SLC5A8: variants seen among roughly 807,000 people sequenced by gnomAD.
SLC5A8 encodes the protein sodium-coupled monocarboxylate transporter 1.
SLC5A8 carries 55 observed loss-of-function variants against 71.9 expected under a neutral mutation model. The ratio of observed to expected loss-of-function variants is 0.77; its 90% CI spans 0.62 to 0.96. The LOEUF (loss-of-function observed/expected upper bound fraction) is 0.96, where lower values mean the gene tolerates loss of function less well. Among genes scored for constraint, SLC5A8 ranks in the 40% least tolerant of loss-of-function variants. SLC5A8 has a pLI of 0.00. For synonymous variants in SLC5A8, 307 were observed against 276.1 expected, an observed-to-expected ratio of 1.11 and a Z score of -1.11; for missense variants, 701 against 745.3, an observed-to-expected ratio of 0.94 and a Z score of 0.69.
intron 5 of SLC5A8, among the ~76,000 whole-genome samples, chr12:101,191,907 G>A (rs1477996543): frequency 6.6e-6 from 1 of 152,106 alleles, no homozygotes; most frequent in Non-Finnish European, 1.5e-5. Context: ...ATGTGTATAA[G>A]CTATCACTTC....
chr12:101,192,377 A>C (rs1051359183), intron 5 of SLC5A8, among the ~76,000 whole-genome samples: 1 of 149,158 alleles, frequency 6.7e-6, no homozygotes. Flanking sequence ...TTATTTTCAG[A>C]AGACCAGAAA....
chr12:101,169,290 G>A (rs1323511497), intron 10 of SLC5A8, among the ~76,000 whole-genome samples: 1 of 152,212 alleles, frequency 6.6e-6, no homozygotes, highest in African/African-American at 2.4e-5. Context: ...GGATGAACTG[G>A]CTTGGAGTTA....
chr12:101,161,921 A>T, intron 13 of SLC5A8, 53 bp downstream of exon 13: 11 of 1,217,534 alleles, frequency 9.0e-6, no homozygotes, highest in Non-Finnish European at 1.3e-5. Flanking sequence ...AAACAGATAC[A>T]GTAAAAACTG....
chr12:101,187,337 G>A (rs760968354), intron 7 of SLC5A8, 49 bp downstream of exon 7: 1 of 1,560,260 alleles, frequency 6.4e-7, no homozygotes, highest in South Asian at 1.2e-5. Flanking sequence ...CAACTAATAA[G>A]CTTTTTGAAT....
rs573037779 is a variant in SLC5A8, at chr12:101,172,625, G to A, written c.1234-4443C>T. Among the ~76,000 whole-genome samples, 4 of 152,276 alleles carry A rather than the reference G, an allele frequency of 2.6e-5. No homozygotes were observed. In the South Asian group the frequency reaches 6.2e-4, roughly 24 times the overall value. ...AGGTCCTGTGTGGTGGGTAGGGAGC[G>A]AGGTGCTGTTGTGAACACTGTTGGA... On this transcript the variant is annotated intron_variant, in intron 10 of 14. Coordinates refer to ENST00000536262, the MANE Select transcript of SLC5A8 (RefSeq NM_145913.5).
At chr12:101,207,115 G>A (rs1869708779) in intron 1 of SLC5A8, among the ~76,000 whole-genome samples, 1 of 152,210 alleles carries the variant, frequency 6.6e-6, no homozygotes, top group Non-Finnish European at 1.5e-5. Context: ...GAGGGTCTTA[G>A]CATGTTGCCT....
chr12:101,160,048 G>C (rs1159190003), intron 13 of SLC5A8, among the ~76,000 whole-genome samples: 1 of 152,250 alleles, frequency 6.6e-6, no homozygotes, highest in East Asian at 1.9e-4. Flanking sequence ...CGGGCGTGGT[G>C]GTGCGTGCCT....
chr12:101,160,434 C>G (rs541147763), intron 13 of SLC5A8, among the ~76,000 whole-genome samples: 56 of 152,286 alleles, frequency 3.7e-4, no homozygotes, highest in African/African-American at 1.3e-3. Context: ...TAGCAGGATT[C>G]TGTAAAGTGG....
intron 1 of SLC5A8, among the ~76,000 whole-genome samples, chr12:101,208,537 C>T (rs544224177): frequency 7.5e-4 from 114 of 152,208 alleles, no homozygotes; most frequent in Non-Finnish European, 1.3e-3. Context: ...ATCCCGCCCC[C>T]ACCTCCCATT....
intron 14 of SLC5A8, 139 bp downstream of exon 14, chr12:101,158,110 T>C (rs545828584): frequency 1.1e-4 from 76 of 667,998 alleles, no homozygotes; most frequent in South Asian, 1.0e-3. Context: ...CTATCCAACA[T>C]ATATAGATCA....
In SLC5A8 at chr12:101,209,898, C is replaced by T; in HGVS notation, c.-50G>A. ...CGCGCAAACTGGTGGCCCCGCGGCG[C>T]GCAGCCGGAGCCCGGCGCGCACTTC... On this transcript the variant is annotated 5_prime_UTR_variant, in exon 1 of 15. Coordinates refer to ENST00000536262, the MANE Select transcript of SLC5A8 (RefSeq NM_145913.5). The T allele has an allele frequency of 6.9e-7, 1 of 1,449,430 alleles. No individual in the cohort carries two copies. The highest frequency in any genetic ancestry group is 9.1e-7 in the Non-Finnish European group (1 of 1,095,172). 89.8% of individuals were successfully genotyped at this position (1,449,430 alleles called of 1,614,324 possible). A position where few individuals can be genotyped will look rare whatever the true frequency, so the allele number is the denominator to read the frequency against.
At chr12:101,206,052 A>T (rs543988547) in intron 1 of SLC5A8, among the ~76,000 whole-genome samples, 6 of 152,202 alleles carry the variant, frequency 3.9e-5, no homozygotes, top group Admixed American at 6.5e-5. Flanking sequence ...TTCTCTTTAA[A>T]ATGAGGGGCA....
intron 3 of SLC5A8, among the ~76,000 whole-genome samples, chr12:101,197,199 C>G (rs1869219537): frequency 6.6e-6 from 1 of 152,170 alleles, no homozygotes; most frequent in Non-Finnish European, 1.5e-5. Flanking sequence ...CTTTCCTATA[C>G]AAACTATTTT....
At chr12:101,171,461 C>T (rs143367838) in intron 10 of SLC5A8, among the ~76,000 whole-genome samples, 11 of 152,276 alleles carry the variant, frequency 7.2e-5, no homozygotes, top group East Asian at 1.9e-4. Flanking sequence ...TTTGAAAGTG[C>T]GCTCCATGGT....
Position 101,180,111 on chromosome 12 carries a change from T to C in SLC5A8, c.1166-15A>G, listed in dbSNP as rs2051918550. On this transcript the variant is annotated splice_polypyrimidine_tract_variant and intron_variant, in intron 9 of 14. Transcript: ENST00000536262. ...ATACACCACACCTAAATGGACAACA[T>C]AAAAGCCAGTGTAAAATCCACACCC... The C allele has an allele frequency of 1.9e-6, 3 of 1,613,708 alleles. No homozygotes were observed. Among genetic ancestry groups the C allele is most frequent in the Non-Finnish European group, 2.5e-6 (3 of 1,179,726 alleles).
chr12:101,178,617 G>A (rs892108618), intron 10 of SLC5A8, among the ~76,000 whole-genome samples: 5 of 152,146 alleles, frequency 3.3e-5, no homozygotes, highest in African/African-American at 4.8e-5. Flanking sequence ...GAGGAAAAGA[G>A]AATGTCAACC....
intron 2 of SLC5A8, among the ~76,000 whole-genome samples, chr12:101,202,460 G>T (rs975757652): frequency 6.6e-6 from 1 of 151,820 alleles, no homozygotes; most frequent in African/African-American, 2.4e-5. Flanking sequence ...GTAAAAATAC[G>T]GACTTTTATA....
At chr12:101,191,510 TC>T (rs1868910062) in intron 5 of SLC5A8, among the ~76,000 whole-genome samples, 1 of 152,228 alleles carries the variant, frequency 6.6e-6, no homozygotes, top group Non-Finnish European at 1.5e-5. Context: ...ACATTTCATA[TC>T]AAAGTGTAAG....
intron 2 of SLC5A8, 103 bp downstream of exon 2, chr12:101,204,397 C>T: frequency 1.0e-6 from 1 of 983,948 alleles, no homozygotes; most frequent in South Asian, 1.5e-5. Flanking sequence ...TTTTCAACAT[C>T]TCTTTTTTGT....
Sources: gnomAD v4.1 joint callset for allele counts (sites outside exome capture counted in the v4.1 genomes callset) on GRCh38, gnomAD v4.1.1 for gene constraint, MANE v1.5 for transcripts, NCBI Gene and HGNC (gene_info 2026-07-23, HGNC 2026-07-21) for gene names.